PBX1: variants seen among roughly 807,000 people sequenced by gnomAD.
The protein encoded by PBX1 is PBX homeobox 1.
In PBX1, 6 loss-of-function variants were observed where a neutral mutation model predicts 53.4. The observed-to-expected ratio is 0.11, with a 90% CI of 0.06 to 0.22. The LOEUF is 0.22. PBX1 is among the 10% of genes least tolerant of loss of function. The probability of loss-of-function intolerance (pLI) is 1.00; values close to 1 mark genes in which losing one functional copy is unlikely to be tolerated. For missense variants in PBX1, 251 were observed against 551.4 expected, an observed-to-expected ratio of 0.46 and a Z score of 5.46; for synonymous variants, 204 against 212.3, an observed-to-expected ratio of 0.96 and a Z score of 0.34.
intron 8 of PBX1, chr1:164,829,979 A>G (rs1452226402): frequency 6.6e-6 from 1 of 152,206 alleles, no homozygotes; most frequent in African/African-American, 2.4e-5. Flanking sequence ...GGCTAGTTTG[A>G]AAAAGAAAAT....
chr1:164,758,956 A>T (rs1666668761), intron 2 of PBX1, among the ~76,000 whole-genome samples: 1 of 152,160 alleles, frequency 6.6e-6, no homozygotes. Flanking sequence ...AGGCAGGAAA[A>T]ACAAATCTCT....
chr1:164,702,357 A>G (rs576849288), intron 2 of PBX1, among the ~76,000 whole-genome samples: 1 of 152,296 alleles, frequency 6.6e-6, no homozygotes, highest in Admixed American at 6.5e-5. Context: ...GCTTTTTCCA[A>G]AGTCACTGAG....
intron 2 of PBX1, among the ~76,000 whole-genome samples, chr1:164,784,349 G>T (rs928271046): frequency 6.6e-6 from 1 of 152,206 alleles, no homozygotes; most frequent in Non-Finnish European, 1.5e-5. Flanking sequence ...AAAGGCAGGG[G>T]CCTATCGCCC....
intron 2 of PBX1, among the ~76,000 whole-genome samples, chr1:164,639,873 A>G (rs1332636152): frequency 2.0e-5 from 3 of 152,056 alleles, no homozygotes; most frequent in African/African-American, 7.2e-5. Context: ...TATGTTGCCT[A>G]GGCTAGTCTC....
At chr1:164,713,861 A>G (rs1663934688) in intron 2 of PBX1, among the ~76,000 whole-genome samples, 1 of 152,246 alleles carries the variant, frequency 6.6e-6, no homozygotes, top group Non-Finnish European at 1.5e-5. Flanking sequence ...TAAAAGTATT[A>G]AGGACAAATG....
intron 2 of PBX1, among the ~76,000 whole-genome samples, chr1:164,787,260 G>C (rs1668246328): frequency 6.6e-6 from 1 of 152,134 alleles, no homozygotes; most frequent in South Asian, 2.1e-4. Flanking sequence ...CAGACCACCT[G>C]CCTCTGCTTT....
chr1:164,812,588 T>C (rs1669669312), intron 6 of PBX1: 2 of 153,536 alleles, frequency 1.3e-5, no homozygotes, highest in African/African-American at 4.8e-5. Flanking sequence ...GCATGCATTC[T>C]ATGCAGAAAT....
intron 2 of PBX1, among the ~76,000 whole-genome samples, chr1:164,874,033 T>TG (rs1343570597): frequency 1.3e-5 from 2 of 148,710 alleles, no homozygotes; most frequent in African/African-American, 4.9e-5. Flanking sequence ...AAAAGAGGCA[T>TG]GAAAGGAGAG....
intron 1 of PBX1, among the ~76,000 whole-genome samples, chr1:164,561,369 A>G (rs1412049488): frequency 2.0e-5 from 3 of 152,224 alleles, no homozygotes; most frequent in African/African-American, 4.8e-5. Flanking sequence ...AAAAGTACTA[A>G]GGTTTACGGG....
chr1:164,579,273 A>G (rs1031518788), intron 2 of PBX1, among the ~76,000 whole-genome samples: 2 of 152,134 alleles, frequency 1.3e-5, no homozygotes, highest in Admixed American at 1.3e-4. Flanking sequence ...CATGTAGACA[A>G]TTTGTGCATT....
At chr1:164,646,699 T>G (rs181981151) in intron 2 of PBX1, among the ~76,000 whole-genome samples, 74 of 152,330 alleles carry the variant, frequency 4.9e-4, no homozygotes, top group Non-Finnish European at 6.9e-4. Context: ...GTTTTTTTGA[T>G]AGTTATGGGG....
At chr1:164,567,935 A>G (rs1215144405) in intron 2 of PBX1, among the ~76,000 whole-genome samples, 2 of 152,120 alleles carry the variant, frequency 1.3e-5, no homozygotes, top group African/African-American at 4.8e-5. Context: ...GCTGTGGGGC[A>G]TTGAGCTGGG....
At chr1:164,573,765 C>T (rs766775377) in intron 2 of PBX1, among the ~76,000 whole-genome samples, 3 of 152,112 alleles carry the variant, frequency 2.0e-5, no homozygotes, top group African/African-American at 7.2e-5. Flanking sequence ...GGATTACAGG[C>T]GTGAGCCACC....
intron 2 of PBX1, among the ~76,000 whole-genome samples, chr1:164,606,199 CTGCTATATGGCCAGGTGT>C: frequency 6.6e-6 from 1 of 152,294 alleles, no homozygotes; most frequent in Admixed American, 6.5e-5. Flanking sequence ...TAAATGCATT[CTGCTATATGGCCAGGTGT>C]GGTGGCTCAC....
At chr1:164,691,011 C>CTTTTTT (rs386368555) in intron 2 of PBX1, among the ~76,000 whole-genome samples, 16 of 106,500 alleles carry the variant, frequency 1.5e-4, no homozygotes, top group East Asian at 3.0e-4. Flanking sequence ...GTTGTTAAAT[C>CTTTTTT]TTTTTTTTTT....
Position 164,807,620 on chromosome 1 carries a change from C to T in PBX1, c.780C>T (p.Tyr260=). Residue 260 remains tyrosine (Y), a synonymous_variant, in exon 5 of 9, where the codon TAC becomes TAT. Coordinates refer to ENST00000420696, the MANE Select transcript of PBX1 (RefSeq NM_002585.4). ...EYFYSHLSNP[Y]PSEEAKEELA... ...TCTATTCCCATCTCAGCAACCCTTA[C>T]CCCAGTGAGGAAGCCAAAGAGGAGT... 6.2e-7 allele frequency: 1 copy of T among 1,614,118 alleles called. No homozygotes were observed. The highest frequency in any genetic ancestry group is 1.1e-5 in the South Asian group (1 of 91,068).
intron 2 of PBX1, among the ~76,000 whole-genome samples, chr1:164,712,729 C>T (rs934956974): frequency 3.9e-5 from 6 of 152,132 alleles, no homozygotes; most frequent in Admixed American, 3.9e-4. Context: ...TCTTAGGAGA[C>T]AAAGGAAGGG....
chr1:164,624,652 T>C (rs1657919252), intron 2 of PBX1, among the ~76,000 whole-genome samples: 1 of 152,234 alleles, frequency 6.6e-6, no homozygotes, highest in African/African-American at 2.4e-5. Flanking sequence ...TAAAATTCTT[T>C]GAATGTATGA....
At chr1:164,681,843 A>T (rs982191485) in intron 2 of PBX1, among the ~76,000 whole-genome samples, 2 of 152,102 alleles carry the variant, frequency 1.3e-5, no homozygotes, top group African/African-American at 2.4e-5. Context: ...GTTAAAAAAA[A>T]ATTAAACCCT....
Sources: gnomAD v4.1 joint callset for allele counts (sites outside exome capture counted in the v4.1 genomes callset) on GRCh38, gnomAD v4.1.1 for gene constraint, MANE v1.5 for transcripts, NCBI Gene and HGNC (gene_info 2026-07-23, HGNC 2026-07-21) for gene names.